MET: variants seen among roughly 807,000 people sequenced by gnomAD.
MET encodes hepatocyte growth factor receptor.
Under a neutral mutation model 133.1 loss-of-function variants are expected in MET, and 48 were observed. The ratio of observed to expected loss-of-function variants is 0.36; its 90% CI spans 0.29 to 0.46. The LOEUF is 0.46. Ranked by LOEUF, MET falls within the 20% of genes least tolerant of loss-of-function variation. The pLI is 1.00. For missense variants in MET, 1,442 were observed against 1,695.9 expected (o/e 0.85, Z 2.63); for synonymous variants, 628 against 616.5 (o/e 1.02, Z -0.28).
intron 19 of MET, among the ~76,000 whole-genome samples, chr7:116,791,840 T>A (rs977639063): frequency 6.6e-6 from 1 of 152,146 alleles, no homozygotes; most frequent in Non-Finnish European, 1.5e-5. Context: ...AATTTTTGTA[T>A]TTTTAGTAGA....
At chr7:116,763,328 C>A (rs2116958130) in intron 11 of MET, 60 bp downstream of exon 11, 1 of 1,418,932 alleles carries the variant, frequency 7.0e-7, no homozygotes, top group Non-Finnish European at 9.9e-7. Flanking sequence ...GACTTCATAG[C>A]TATGTGAATA....
At chr7:116,755,013 A>AAAGAAAGAAAGAAAGG (rs1794115947) in intron 5 of MET, among the ~76,000 whole-genome samples, 3 of 150,886 alleles carry the variant, frequency 2.0e-5, no homozygotes, top group African/African-American at 7.3e-5. Flanking sequence ...AGAAAGAAAG[A>AAAGAAAGAAAGAAAGG]AAGAAAGAAA....
chr7:116,785,623 G>T (rs1189827328), intron 19 of MET, among the ~76,000 whole-genome samples: 1 of 152,190 alleles, frequency 6.6e-6, no homozygotes, highest in Non-Finnish European at 1.5e-5. Context: ...CATGAGATTT[G>T]AATGGGGACA....
chr7:116,759,223 C>T, intron 9 of MET, 168 bp from the exon 10 acceptor site: 1 of 926,576 alleles, frequency 1.1e-6, no homozygotes, highest in Non-Finnish European at 1.6e-6. Context: ...AAAATATTTT[C>T]AAGTTAAATA....
chr7:116,793,111 A>T (rs1450453005), intron 19 of MET, among the ~76,000 whole-genome samples: 42 of 151,654 alleles, frequency 2.8e-4, no homozygotes, highest in East Asian at 5.8e-4. Context: ...GCGCTTACAG[A>T]TGCCATCTCC....
intron 1 of MET, 69 bp downstream of exon 1, chr7:116,672,646 C>T: frequency 2.7e-6 from 1 of 373,762 alleles, no homozygotes; most frequent in Non-Finnish European, 4.8e-6. Context: ...TTCTTTGTTC[C>T]CCTAAGAGAC....
intron 1 of MET, among the ~76,000 whole-genome samples, chr7:116,679,291 TG>T (rs1466203731): frequency 1.3e-5 from 2 of 152,210 alleles, no homozygotes; most frequent in African/African-American, 4.8e-5. Context: ...TGTCATACCT[TG>T]GAATAAGATC....
chr7:116,683,342 A>G (rs1796430851), intron 1 of MET, among the ~76,000 whole-genome samples: 1 of 152,194 alleles, frequency 6.6e-6, no homozygotes, highest in Admixed American at 6.5e-5. Flanking sequence ...TAGTTTGCTA[A>G]GGATAACAGC....
In MET at chr7:116,770,862, T is replaced by C. The variant is rs1392983126; in HGVS notation, c.2731-636T>C. On this transcript the variant is annotated intron_variant, in intron 12 of 20. Coordinates refer to ENST00000397752, the MANE Select transcript of MET (RefSeq NM_000245.4). ...TTTTTAAAGGGTTCCTGAAGTCTTCTGAAGTTATAAAATGGAAAAACACAC... is the reference window on the plus strand; with the variant it reads ...TTTTTAAAGGGTTCCTGAAGTCTTCCGAAGTTATAAAATGGAAAAACACAC... Among the ~76,000 whole-genome samples the C allele has an allele frequency of 2.0e-5, 3 of 152,144 alleles. No individual in the cohort carries two copies. In the East Asian group the frequency reaches 5.8e-4, roughly 29 times the overall value.
chr7:116,773,842 G>T (rs1197771094), intron 14 of MET, among the ~76,000 whole-genome samples: 1 of 152,102 alleles, frequency 6.6e-6, no homozygotes, highest in Non-Finnish European at 1.5e-5. Flanking sequence ...TGCTCAAGTG[G>T]GATTAGGAAT....
chr7:116,738,595 A>G (rs570321143), intron 3 of MET, among the ~76,000 whole-genome samples: 12 of 152,104 alleles, frequency 7.9e-5, no homozygotes, highest in Non-Finnish European at 1.6e-4. Flanking sequence ...TTGAGTGTTT[A>G]GAGTAGAACA....
rs2117066669 is a variant in MET, at chr7:116,783,397, T to A, written c.3726T>A (p.Gly1242=). The A allele has an allele frequency of 6.2e-7, 1 of 1,614,154 alleles. No homozygotes were observed. The highest frequency in any genetic ancestry group is 8.5e-7 in the Non-Finnish European group (1 of 1,180,024). Residue 1242 remains glycine (G), a synonymous_variant, in exon 19 of 21, where the codon GGT becomes GGA. Coordinates refer to ENST00000397752, the MANE Select transcript of MET (RefSeq NM_000245.4). The part of the protein sequence containing the change: ...KEYYSVHNKT[G]AKLPVKWMAL... ...ACTATAGTGTACACAACAAAACAGG[T>A]GCAAAGCTGCCAGTGAAGTGGATGG...
In MET at chr7:116,757,438, T is replaced by G. The variant is rs757111476; in HGVS notation, c.1864T>G (p.Leu622Val). Reference sequence around the variant, plus strand: ...TTAAACTTTGGGTTTTTTTTCCAGATTGAAATGCACAGTTGGTCCTGCCAT... The same window carrying G: ...TTAAACTTTGGGTTTTTTTTCCAGAGTGAAATGCACAGTTGGTCCTGCCAT... ...LTLSESTMNT[L>V]KCTVGPAMNK... The change falls in exon 7 of 21, where the codon TTG becomes GTG. Residue 622 changes from leucine to valine, a missense_variant and splice_region_variant. Leu to Val is a conservative substitution (Grantham distance 32). Around this residue, in one of 6 missense-constraint regions of MET, gnomAD observed 762 missense variants for 792.4 expected, o/e 0.96. Transcript: ENST00000397752. 1 of 1,612,814 alleles carries G rather than the reference T, an allele frequency of 6.2e-7. No individual in the cohort carries two copies. The highest frequency in any genetic ancestry group is 1.1e-5 in the South Asian group (1 of 91,024).
At chr7:116,764,753 C>T (rs1794556511) in intron 11 of MET, among the ~76,000 whole-genome samples, 1 of 151,962 alleles carries the variant, frequency 6.6e-6, no homozygotes, top group South Asian at 2.1e-4. Context: ...TAGAGACTGG[C>T]AAAAAACACT....
chr7:116,763,537 G>A (rs550777640), intron 11 of MET, among the ~76,000 whole-genome samples: 16 of 152,308 alleles, frequency 1.1e-4, no homozygotes, highest in East Asian at 1.9e-4. Flanking sequence ...AAGAGGATCC[G>A]CGTCATGCAT....
At chr7:116,749,109 G>A (rs1254723357) in intron 5 of MET, among the ~76,000 whole-genome samples, 1 of 152,154 alleles carries the variant, frequency 6.6e-6, no homozygotes, top group Non-Finnish European at 1.5e-5. Flanking sequence ...CATTTTATGA[G>A]GCCAGCATCA....
At chr7:116,756,966 C>T (rs575066344) in intron 6 of MET, among the ~76,000 whole-genome samples, 4 of 152,048 alleles carry the variant, frequency 2.6e-5, no homozygotes, top group African/African-American at 4.8e-5. Context: ...CAGTGGCTTA[C>T]GCCTGTGATC....
rs1487974399 is a variant in MET, at chr7:116,755,626, G to T, written c.1862+111G>T. ...AAGCTCATCTCTTGAATTAAAAAGGGTCTTGGCCTGTCACATGCCTTGTGG... is the reference window on the plus strand; with the variant it reads ...AAGCTCATCTCTTGAATTAAAAAGGTTCTTGGCCTGTCACATGCCTTGTGG... On this transcript the variant is annotated intron_variant, in intron 6 of 20. Coordinates refer to ENST00000397752, the MANE Select transcript of MET (RefSeq NM_000245.4). 4 of 1,325,254 alleles carry T rather than the reference G, an allele frequency of 3.0e-6. No homozygotes were observed. In the East Asian group the frequency reaches 7.3e-5, roughly 24 times the overall value. 82.1% of individuals were successfully genotyped at this position (1,325,254 alleles called of 1,614,324 possible).
Position 116,765,681 on chromosome 7 carries a change from G to T in MET, c.2583+2413G>T, listed in dbSNP as rs1794600969. Among the ~76,000 whole-genome samples, 4 of 151,992 alleles carry T rather than the reference G, an allele frequency of 2.6e-5. No homozygotes were observed. The South Asian group carries it at 8.3e-4, about 32-fold the overall frequency. ...CATCAAAAGTAGGTACCTCTTTGTG[G>T]GTATACATGACTCCCCAAATGCCTC... is the stretch of plus-strand genomic sequence containing the variant. On this transcript the variant is annotated intron_variant, in intron 11 of 20. Transcript: ENST00000397752.
Sources: gnomAD v4.1 joint callset for allele counts (sites outside exome capture counted in the v4.1 genomes callset) on GRCh38, gnomAD v4.1.1 for gene constraint, gnomAD v4.1.1 regional missense constraint, MANE v1.5 for transcripts, NCBI Gene and HGNC (gene_info 2026-07-23, HGNC 2026-07-21) for gene names.